The following SLC35F3 variants were observed in gnomAD, a reference collection of about 807,000 sequenced individuals.
The protein encoded by SLC35F3 is solute carrier family 35 member F3.
SLC35F3 carries 25 observed loss-of-function variants against 49.9 expected under a neutral mutation model. The observed-to-expected ratio is 0.50, with a 90% CI of 0.37 to 0.70. The LOEUF is 0.70. Ranked by LOEUF, SLC35F3 falls within the 30% of genes least tolerant of loss-of-function variation. SLC35F3 has a pLI of 0.00. For missense variants in SLC35F3, 525 were observed against 639.8 expected, an observed-to-expected ratio of 0.82 and a Z score of 1.94; for synonymous variants, 275 against 265.4, an observed-to-expected ratio of 1.04 and a Z score of -0.35.
At chr1:234,095,815 C>T (rs1665108771) in intron 2 of SLC35F3, among the ~76,000 whole-genome samples, 1 of 152,142 alleles carries the variant, frequency 6.6e-6, no homozygotes, top group Non-Finnish European at 1.5e-5. Context: ...ATAATAGTCT[C>T]TGTCATAGGG....
At chr1:234,139,763 C>T (rs1309242974) in intron 2 of SLC35F3, among the ~76,000 whole-genome samples, 1 of 151,702 alleles carries the variant, frequency 6.6e-6, no homozygotes, top group Admixed American at 6.6e-5. Flanking sequence ...TCCTGGCCAA[C>T]ATGGTGAAAC....
chr1:234,111,962 G>A (rs1485017134), intron 2 of SLC35F3, among the ~76,000 whole-genome samples: 1 of 152,140 alleles, frequency 6.6e-6, no homozygotes, highest in East Asian at 1.9e-4. Flanking sequence ...CTCATCCTCC[G>A]AGTGGAGCAG....
chr1:234,221,271 G>A (rs953033550), intron 2 of SLC35F3, among the ~76,000 whole-genome samples: 1 of 152,164 alleles, frequency 6.6e-6, no homozygotes, highest in Non-Finnish European at 1.5e-5. Context: ...GCTGTCTTAA[G>A]GGGGAGGGAG....
chr1:234,022,659 A>G (rs528052850), intron 2 of SLC35F3, among the ~76,000 whole-genome samples: 15 of 152,304 alleles, frequency 9.8e-5, no homozygotes, highest in East Asian at 5.8e-4. Context: ...TGTAGGTTCA[A>G]TGATCCAACA....
chr1:233,911,780 G>A (rs1282854977), intron 2 of SLC35F3, among the ~76,000 whole-genome samples: 1 of 152,204 alleles, frequency 6.6e-6, no homozygotes, highest in African/African-American at 2.4e-5. Context: ...TAGAGCAGGT[G>A]AAATCTGAAG....
At chr1:233,958,189 T>C (rs1662736883) in intron 2 of SLC35F3, among the ~76,000 whole-genome samples, 2 of 152,228 alleles carry the variant, frequency 1.3e-5, no homozygotes, top group Admixed American at 6.5e-5. Flanking sequence ...TTGATTATGA[T>C]GACTCTTTTG....
At chr1:234,295,863 C>T (rs2102987968) in intron 3 of SLC35F3, among the ~76,000 whole-genome samples, 1 of 152,314 alleles carries the variant, frequency 6.6e-6, no homozygotes, top group East Asian at 1.9e-4. Flanking sequence ...TGGTGTTGCT[C>T]CACTGTTCCC....
At chr1:234,151,674 A>G (rs1472022281) in intron 2 of SLC35F3, among the ~76,000 whole-genome samples, 2 of 152,098 alleles carry the variant, frequency 1.3e-5, no homozygotes, top group African/African-American at 4.8e-5. Flanking sequence ...CTTAAGAGAA[A>G]TAAAAGGTAA....
At chr1:234,259,327 A>C (rs974315655) in intron 3 of SLC35F3, among the ~76,000 whole-genome samples, 2 of 152,204 alleles carry the variant, frequency 1.3e-5, no homozygotes, top group East Asian at 3.8e-4. Context: ...ACAGCAAGCT[A>C]ACAGCTTCCC....
intron 2 of SLC35F3, among the ~76,000 whole-genome samples, chr1:234,140,464 T>C (rs1469029863): frequency 6.6e-6 from 1 of 152,218 alleles, no homozygotes; most frequent in African/African-American, 2.4e-5. Flanking sequence ...TAAGTATGTA[T>C]GTGGGAAAAA....
chr1:234,286,179 G>A (rs919444431), intron 3 of SLC35F3, among the ~76,000 whole-genome samples: 1 of 152,188 alleles, frequency 6.6e-6, no homozygotes, highest in Non-Finnish European at 1.5e-5. Flanking sequence ...TTGAGGCTCA[G>A]AGAGGAAAAT....
intron 3 of SLC35F3, among the ~76,000 whole-genome samples, chr1:234,256,419 C>A (rs1667822535): frequency 6.6e-6 from 1 of 152,126 alleles, no homozygotes; most frequent in Non-Finnish European, 1.5e-5. Context: ...GATGGTAGGA[C>A]AAACCTCCTT....
At chr1:234,079,210 C>G (rs1664839819) in intron 2 of SLC35F3, among the ~76,000 whole-genome samples, 1 of 152,206 alleles carries the variant, frequency 6.6e-6, no homozygotes, top group African/African-American at 2.4e-5. Context: ...GGTACCAAGA[C>G]TATTCAATGG....
Position 233,977,925 on chromosome 1 carries a change from C to G in SLC35F3, c.283+72167C>G, listed in dbSNP as rs140508820. On this transcript the variant is annotated intron_variant, in intron 2 of 7. Transcript: ENST00000366618. ...AAAATTAGGAGAAGCCTGATGACCT[C>G]AAACAGAAAGTGGGAAGGAGCTGTA... 2.6e-4 allele frequency among the ~76,000 whole-genome samples: 39 copies of G among 152,270 alleles called. No homozygotes were observed. The Middle Eastern group carries it at 0.01, about 40-fold the overall frequency.
chr1:234,298,139 G>GT (rs1168430220), intron 3 of SLC35F3, among the ~76,000 whole-genome samples: 17 of 152,154 alleles, frequency 1.1e-4, no homozygotes, highest in Non-Finnish European at 2.2e-4. Context: ...AATAAAGACA[G>GT]GTTTTTTTTG....
chr1:234,302,520 G>C (rs563299716), intron 3 of SLC35F3, among the ~76,000 whole-genome samples: 5 of 152,318 alleles, frequency 3.3e-5, no homozygotes, highest in African/African-American at 1.2e-4. Context: ...TATGAAAAAG[G>C]GGAACAGAGG....
At chr1:234,219,896 G>A (rs994927747) in intron 2 of SLC35F3, among the ~76,000 whole-genome samples, 1 of 152,226 alleles carries the variant, frequency 6.6e-6, no homozygotes, top group Non-Finnish European at 1.5e-5. Flanking sequence ...TGAGAACACA[G>A]CATTTCCTGA....
intron 2 of SLC35F3, among the ~76,000 whole-genome samples, chr1:233,905,976 T>A (rs1244413159): frequency 6.6e-6 from 1 of 152,062 alleles, no homozygotes; most frequent in Admixed American, 6.6e-5. Flanking sequence ...CCCCTTCCTC[T>A]CCCACACACA....
chr1:234,075,609 C>G (rs1427346365), intron 2 of SLC35F3, among the ~76,000 whole-genome samples: 5 of 152,170 alleles, frequency 3.3e-5, no homozygotes, highest in African/African-American at 1.2e-4. Flanking sequence ...GAGGACCAAG[C>G]TATGCACACT....
Sources: gnomAD v4.1 joint callset for allele counts (sites outside exome capture counted in the v4.1 genomes callset) on GRCh38, gnomAD v4.1.1 for gene constraint, MANE v1.5 for transcripts, NCBI Gene and HGNC (gene_info 2026-07-23, HGNC 2026-07-21) for gene names.